Variants in ECPAS observed in about 807,000 individuals in gnomAD.
ECPAS encodes Ecm29 proteasome adaptor and scaffold.
ECPAS carries 70 observed loss-of-function variants against 255.1 expected under a neutral mutation model. That is an observed-to-expected ratio of 0.27 (90% CI 0.23 to 0.33). The LOEUF (loss-of-function observed/expected upper bound fraction) is 0.33, where lower values mean the gene tolerates loss of function less well. Among genes scored for constraint, ECPAS ranks in the 10% least tolerant of loss-of-function variants. The pLI is 1.00. For synonymous variants in ECPAS, 784 were observed against 775.0 expected, an observed-to-expected ratio of 1.01 and a Z score of -0.19; for missense variants, 1,817 against 2,206.4, an observed-to-expected ratio of 0.82 and a Z score of 3.54.
intron 35 of ECPAS, among the ~76,000 whole-genome samples, chr9:111,382,951 G>A (rs2098142499): frequency 6.6e-6 from 1 of 152,196 alleles, no homozygotes; most frequent in South Asian, 2.1e-4. Flanking sequence ...AGGACCTACA[G>A]TGTAACAGGA....
At chr9:111,391,109 C>G (rs571224594) in intron 29 of ECPAS, among the ~76,000 whole-genome samples, 1 of 152,316 alleles carries the variant, frequency 6.6e-6, no homozygotes, top group African/African-American at 2.4e-5. Flanking sequence ...TGTGCCAGCT[C>G]AGAGCTCCTC....
chr9:111,366,334 A>G lies in ECPAS; in HGVS notation c.5220-7T>C, dbSNP rs1206423150. ...TTCTTCCAAAAGCATTAACCTATAC[A>G]AATCAGAAAGCAAGGTACAAATGCC... On this transcript the variant is annotated splice_polypyrimidine_tract_variant and splice_region_variant and intron_variant, in intron 47 of 49. Transcript: ENST00000684092. 4 of 1,560,856 alleles carry G rather than the reference A, an allele frequency of 2.6e-6. No individual in the cohort carries two copies. The highest frequency in any genetic ancestry group is 3.5e-6 in the Non-Finnish European group (4 of 1,150,428).
At chr9:111,440,107 C>A (rs549186656) in intron 6 of ECPAS, among the ~76,000 whole-genome samples, 62 of 152,110 alleles carry the variant, frequency 4.1e-4, no homozygotes, top group African/African-American at 1.3e-3. Context: ...CAGTAATCGT[C>A]CCACCTTGGC....
chr9:111,446,066 C>T (rs140015643), intron 3 of ECPAS, among the ~76,000 whole-genome samples: 1,673 of 152,284 alleles, frequency 0.011, 14 homozygotes, highest in South Asian at 0.027. Context: ...TTTTCTTAAT[C>T]CAGTCTATCA....
At chr9:111,403,162 G>A (rs995057273) in intron 24 of ECPAS, among the ~76,000 whole-genome samples, 2 of 149,892 alleles carry the variant, frequency 1.3e-5, no homozygotes, top group Admixed American at 1.3e-4. Flanking sequence ...AGACCAGCCT[G>A]GCCAACATGG....
intron 35 of ECPAS, among the ~76,000 whole-genome samples, chr9:111,380,905 G>A (rs1311335188): frequency 4.6e-5 from 7 of 152,208 alleles, no homozygotes; most frequent in African/African-American, 1.7e-4. Flanking sequence ...GAGAGTTAGG[G>A]CCTTGCTCTG....
At chr9:111,391,883 C>T (rs2098160682) in intron 28 of ECPAS, 59 bp from the exon 29 acceptor site, 2 of 1,039,590 alleles carry the variant, frequency 1.9e-6, no homozygotes, top group South Asian at 2.7e-5. Flanking sequence ...ATTCAACTAG[C>T]CAATACGATT....
chr9:111,444,711 T>C (rs1452679537), intron 3 of ECPAS, among the ~76,000 whole-genome samples: 1 of 152,166 alleles, frequency 6.6e-6, no homozygotes, highest in Non-Finnish European at 1.5e-5. Context: ...TGAATTTCTC[T>C]TTTTCTTTTT....
Position 111,411,029 on chromosome 9 carries a change from G to C in ECPAS, c.2328C>G (p.Asp776Glu). 1 of 1,613,900 alleles carries C rather than the reference G, an allele frequency of 6.2e-7. No homozygotes were observed. The highest frequency in any genetic ancestry group is 8.5e-7 in the Non-Finnish European group (1 of 1,179,838). Residue 776 changes from aspartate to glutamate, a missense_variant, in exon 22 of 50, where the codon GAC (aspartate) becomes GAG (glutamate). Physicochemically the swap from Asp to Glu is conservative, Grantham distance 45. Transcript: ENST00000684092. ...TGAGTTCCTCTTGATCAGGGAGGGT[G>C]TCAGCATTTCTCTCCAGGTCTTGTT... is the stretch of plus-strand genomic sequence containing the variant. Reference protein sequence around the residue: ...SEQQDLERNADTLPDQEELIQ... With the variant: ...SEQQDLERNAETLPDQEELIQ...
chr9:111,474,036 A>T (rs1458747299), intron 1 of ECPAS, among the ~76,000 whole-genome samples: 2 of 152,216 alleles, frequency 1.3e-5, no homozygotes, highest in African/African-American at 4.8e-5. Context: ...GAGAAAACCG[A>T]GGCCTACAAG....
At chr9:111,423,346 G>A (rs996922636) in intron 12 of ECPAS, 98 bp from the exon 13 acceptor site, 1 of 809,226 alleles carries the variant, frequency 1.2e-6, no homozygotes, top group Non-Finnish European at 2.0e-6. Flanking sequence ...GCAATTACAT[G>A]CATTATTTTA....
chr9:111,439,128 A>G (rs1313707189), intron 6 of ECPAS, among the ~76,000 whole-genome samples: 2 of 152,220 alleles, frequency 1.3e-5, no homozygotes, highest in Non-Finnish European at 2.9e-5. Flanking sequence ...ATGCAGCAAA[A>G]ACACACAGTG....
intron 2 of ECPAS, among the ~76,000 whole-genome samples, chr9:111,453,200 TG>T (rs1237773884): frequency 6.6e-6 from 1 of 152,050 alleles, no homozygotes; most frequent in Non-Finnish European, 1.5e-5. Flanking sequence ...TGAGCCATGA[TG>T]ATGCCACTGC....
At chr9:111,464,434 G>GAAAAA (rs919587017) in intron 2 of ECPAS, among the ~76,000 whole-genome samples, 1 of 89,914 alleles carries the variant, frequency 1.1e-5, no homozygotes. Context: ...TATCTCAAAA[G>GAAAAA]AAAAAAAAAA....
At chr9:111,403,711 C>G (rs1292103350) in intron 24 of ECPAS, among the ~76,000 whole-genome samples, 1 of 149,848 alleles carries the variant, frequency 6.7e-6, no homozygotes, top group Non-Finnish European at 1.5e-5. Context: ...GTCATTCAGA[C>G]AGAAAATCAA....
Position 111,408,612 on chromosome 9 carries a change from G to A in ECPAS, c.2611C>T (p.His871Tyr). The stretch of plus-strand genomic sequence containing the variant: ...AGACCTTGCAAGAGGAGTTTCTGGT[G>A]AGGAAAATCTCCATCCCCAACTGGA... ...YFPVGDGDFP[H>Y]QKLLLQGLMD... The change falls in exon 24 of 50, where the codon CAC becomes TAC. Residue 871 changes from histidine to tyrosine, a missense_variant. Coordinates refer to ENST00000684092, the MANE Select transcript of ECPAS (RefSeq NM_001364929.1). The A allele has an allele frequency of 6.3e-7, 1 of 1,596,286 alleles. No individual in the cohort carries two copies. Among genetic ancestry groups the A allele is most frequent in the Non-Finnish European group, 8.5e-7 (1 of 1,171,660 alleles).
At chr9:111,379,405 T>C (rs546791366) in intron 35 of ECPAS, among the ~76,000 whole-genome samples, 1 of 152,356 alleles carries the variant, frequency 6.6e-6, no homozygotes, top group East Asian at 1.9e-4. Context: ...AACTTTAAAA[T>C]ATCTTAATGC....
chr9:111,402,771 T>C (rs1271530528), intron 24 of ECPAS, among the ~76,000 whole-genome samples: 1 of 152,202 alleles, frequency 6.6e-6, no homozygotes, highest in Non-Finnish European at 1.5e-5. Flanking sequence ...AAACTTGTTA[T>C]ATTTTCTGAA....
In ECPAS at chr9:111,440,397, G is replaced by C; in HGVS notation, c.514C>G (p.Leu172Val). The change falls in exon 6 of 50, where the codon CTA becomes GTA. Residue 172 changes from leucine (L) to valine (V), a missense_variant. Coordinates refer to ENST00000684092, the MANE Select transcript of ECPAS (RefSeq NM_001364929.1). ...CCATAAGGCATCAGAAGGACATCTA[G>C]CATGAAGTCCAAAAGCAGCTGCACA... ...KTVQLLLDFM[L>V]DVLLMPYGYV... is the part of the protein sequence containing the mutation. 6.2e-7 allele frequency: 1 copy of C among 1,612,948 alleles called. No homozygotes were observed. The highest frequency in any genetic ancestry group is 1.1e-5 in the South Asian group (1 of 90,942).
Sources: allele counts gnomAD v4.1 joint callset (sites outside exome capture counted in the v4.1 genomes callset), GRCh38; gene constraint gnomAD v4.1.1; transcripts MANE v1.5; gene names NCBI Gene and HGNC (gene_info 2026-07-23, HGNC 2026-07-21).